NLRP8: variants seen among roughly 807,000 people sequenced by gnomAD.
NLRP8 encodes NLR family pyrin domain containing 8.
In NLRP8, 86 loss-of-function variants were observed where a neutral mutation model predicts 88.7. The observed-to-expected ratio is 0.97, with a 90% CI of 0.81 to 1.16. NLRP8 has a LOEUF of 1.16. NLRP8 is among the 50% of genes most tolerant of loss of function. The pLI is 0.00. For synonymous variants in NLRP8, 504 were observed against 494.6 expected, an observed-to-expected ratio of 1.02 and a Z score of -0.25; for missense variants, 1,342 against 1,286.5, an observed-to-expected ratio of 1.04 and a Z score of -0.66.
Position 55,955,114 on chromosome 19 carries a change from A to C in NLRP8, c.1056A>C (p.Val352=). 1.2e-6 allele frequency: 2 copies of C among 1,614,132 alleles called. No individual in the cohort carries two copies. The highest frequency in any genetic ancestry group is 1.7e-6 in the Non-Finnish European group (2 of 1,179,984). The change falls in exon 3 of 10, where the codon GTA becomes GTC. Residue 352 remains valine, a synonymous_variant. Coordinates refer to ENST00000291971, the MANE Select transcript of NLRP8 (RefSeq NM_176811.2). ...CCTTGCTGAAATGTCCCTCTCTCGT[A>C]ACCCTTCCGGGGTTTAATACGATGG...
At chr19:55,971,674 C>T (rs1057288140) in intron 6 of NLRP8, among the ~76,000 whole-genome samples, 14 of 151,820 alleles carry the variant, frequency 9.2e-5, no homozygotes, top group African/African-American at 3.4e-4. Flanking sequence ...CACGCACACA[C>T]ACACACTGTG....
intron 5 of NLRP8, among the ~76,000 whole-genome samples, chr19:55,967,402 C>T (rs750036658): frequency 6.6e-5 from 10 of 152,186 alleles, no homozygotes; most frequent in African/African-American, 1.9e-4. Flanking sequence ...TCCATGAGTT[C>T]AATTGTTTTG....
Position 55,948,145 on chromosome 19 carries a change from G to A in NLRP8, c.243G>A (p.Trp81Ter). Residue 81 changes from tryptophan to a stop codon, truncating the protein, a stop_gained, in exon 1 of 10, where the codon TGG becomes TGA. Transcript: ENST00000291971. LOFTEE classifies it high-confidence loss of function. Reference sequence around the variant, plus strand: ...GGGACCAGGTCGAGACAGCCAGCTGGGCAGAGGTGGTTCATCTCTTGATAG... The same window carrying A: ...GGGACCAGGTCGAGACAGCCAGCTGAGCAGAGGTGGTTCATCTCTTGATAG... 8.7e-6 allele frequency: 14 copies of A among 1,614,162 alleles called. No individual in the cohort carries two copies. Among genetic ancestry groups the A allele is most frequent in the Non-Finnish European group, 1.1e-5 (13 of 1,180,032 alleles).
rs544368279 is a variant in NLRP8, at chr19:55,954,893, G to A, written c.835G>A (p.Asp279Asn). 52 of 1,614,078 alleles carry A rather than the reference G, an allele frequency of 3.2e-5. No homozygotes were observed. The highest frequency in any genetic ancestry group is 3.3e-4 in the Middle Eastern group (2 of 6,062). Residue 279 changes from aspartate to asparagine, a missense_variant, in exon 3 of 10, where the codon GAC becomes AAC. Asp to Asn is a conservative substitution (Grantham distance 23). Coordinates refer to ENST00000291971, the MANE Select transcript of NLRP8 (RefSeq NM_176811.2). ...CGTGTCAAAGATTATGTCCAAACCCGACCAACTTCTGCTGCTCTTGGATGG... is the reference window on the plus strand; with the variant it reads ...CGTGTCAAAGATTATGTCCAAACCCAACCAACTTCTGCTGCTCTTGGATGG...
chr19:55,964,570 G>A (rs1018199827), intron 4 of NLRP8, among the ~76,000 whole-genome samples: 2 of 152,090 alleles, frequency 1.3e-5, no homozygotes, highest in Middle Eastern at 6.8e-3. Flanking sequence ...TGGGCAACAC[G>A]GTGAAACCCT....
chr19:55,953,790 G>GC (rs1979203999), intron 2 of NLRP8, among the ~76,000 whole-genome samples: 1 of 110,284 alleles, frequency 9.1e-6, no homozygotes. Context: ...ACTGTGCCTG[G>GC]CCTTTTTTTT....
chr19:55,957,683 ATATAT>A (rs1979433155), intron 3 of NLRP8, among the ~76,000 whole-genome samples: 1 of 4,026 alleles, frequency 2.5e-4, no homozygotes, highest in African/African-American at 3.9e-4. Context: ...TTATATATAT[ATATAT>A]ATATATATAT....
chr19:55,962,947 G>T (rs764261350), intron 4 of NLRP8, among the ~76,000 whole-genome samples: 16 of 152,154 alleles, frequency 1.1e-4, no homozygotes, highest in Admixed American at 1.0e-3. Flanking sequence ...CCTTACAGAA[G>T]CCACGTGCGA....
At chr19:55,977,103 T>C (rs8103321) in intron 8 of NLRP8, among the ~76,000 whole-genome samples, 1 of 146,378 alleles carries the variant, frequency 6.8e-6, no homozygotes, top group Non-Finnish European at 1.5e-5. Flanking sequence ...GATACATATA[T>C]ACATATATAT....
chr19:55,952,674 C>A, intron 2 of NLRP8, 62 bp downstream of exon 2: 1 of 1,364,606 alleles, frequency 7.3e-7, no homozygotes, highest in Non-Finnish European at 1.0e-6. Context: ...GGATGAGCTG[C>A]TCAGTTGCTA....
In NLRP8 at chr19:55,973,678, T is replaced by G. The variant is rs989044375; in HGVS notation, c.2561T>G (p.Leu854Arg). 2 of 1,613,558 alleles carry G rather than the reference T, an allele frequency of 1.2e-6. No individual in the cohort carries two copies. Among genetic ancestry groups the G allele is most frequent in the Admixed American group, 1.7e-5 (1 of 59,964 alleles). Residue 854 changes from leucine to arginine, a missense_variant, in exon 7 of 10, where the codon CTT (leucine) becomes CGT (arginine). Physicochemically the swap from Leu to Arg is moderately radical, Grantham distance 102 (BLOSUM62 -2). Coordinates refer to ENST00000291971, the MANE Select transcript of NLRP8 (RefSeq NM_176811.2). ...ATAGAGAACTGCAACCTTACACAGCTTACTTGTGAAAGCCTTGCCTCCTGT... is the reference window on the plus strand; with the variant it reads ...ATAGAGAACTGCAACCTTACACAGCGTACTTGTGAAAGCCTTGCCTCCTGT...
intron 6 of NLRP8, among the ~76,000 whole-genome samples, chr19:55,971,455 A>C (rs1020582917): frequency 2.4e-4 from 37 of 151,838 alleles, no homozygotes; most frequent in African/African-American, 7.7e-4. Flanking sequence ...AAAAAAAAAA[A>C]AAAAGGATTT....
intron 3 of NLRP8, among the ~76,000 whole-genome samples, chr19:55,958,888 G>T (rs1979491431): frequency 6.6e-6 from 1 of 151,042 alleles, no homozygotes; most frequent in East Asian, 2.0e-4. Flanking sequence ...TTGTTTGCTT[G>T]TTTGTTTTGA....
At chr19:55,960,644 T>A (rs574743885) in intron 3 of NLRP8, among the ~76,000 whole-genome samples, 1 of 152,312 alleles carries the variant, frequency 6.6e-6, no homozygotes, top group Admixed American at 6.5e-5. Flanking sequence ...AGGGAGTTGA[T>A]ATCATTCCTA....
intron 6 of NLRP8, among the ~76,000 whole-genome samples, chr19:55,972,991 C>T (rs1012041988): frequency 1.3e-5 from 2 of 152,080 alleles, no homozygotes; most frequent in African/African-American, 2.4e-5. Context: ...GTAGTGGGAT[C>T]GCTGCATCAA....
chr19:55,965,455 G>GA (rs200594510), intron 4 of NLRP8, among the ~76,000 whole-genome samples: 10,175 of 134,918 alleles, frequency 0.075, 825 homozygotes, highest in East Asian at 0.48. Context: ...CATCTCACAA[G>GA]AAAAAAAAAA....
intron 8 of NLRP8, among the ~76,000 whole-genome samples, chr19:55,977,040 A>G (rs1164121272): frequency 6.7e-6 from 1 of 148,474 alleles, no homozygotes; most frequent in African/African-American, 2.5e-5. Flanking sequence ...AGATCACACC[A>G]CTGTACTCCA....
At chr19:55,986,122 G>C (rs1980794635) in intron 9 of NLRP8, among the ~76,000 whole-genome samples, 1 of 152,144 alleles carries the variant, frequency 6.6e-6, no homozygotes, top group Non-Finnish European at 1.5e-5. Flanking sequence ...GGCAATGGAT[G>C]TGTTTGTTAG....
chr19:55,979,938 T>A (rs560003931), intron 9 of NLRP8, among the ~76,000 whole-genome samples: 1 of 152,176 alleles, frequency 6.6e-6, no homozygotes, highest in African/African-American at 2.4e-5. Flanking sequence ...AAAGTGAGAT[T>A]GTGGACCTGG....
Sources: allele counts gnomAD v4.1 joint callset (sites outside exome capture counted in the v4.1 genomes callset), GRCh38; gene constraint gnomAD v4.1.1; transcripts MANE v1.5; gene names NCBI Gene and HGNC (gene_info 2026-07-23, HGNC 2026-07-21).